DSCAM: variants seen among roughly 807,000 people sequenced by gnomAD.
The protein encoded by DSCAM is DS cell adhesion molecule.
A neutral mutation model predicts 217.7 loss-of-function variants in DSCAM; 47 were observed. The observed-to-expected ratio is 0.22, with a 90% CI of 0.17 to 0.28. The LOEUF (loss-of-function observed/expected upper bound fraction) is 0.28. Among genes scored for constraint, DSCAM ranks in the 10% least tolerant of loss-of-function variants. DSCAM has a pLI of 1.00. For missense variants in DSCAM, 2,080 were observed against 2,618.3 expected (o/e 0.79, Z 4.49); for synonymous variants, 1,056 against 1,015.3 (o/e 1.04, Z -0.76).
At chr21:40,255,634 A>C (rs1288368982) in intron 11 of DSCAM, among the ~76,000 whole-genome samples, 1 of 152,252 alleles carries the variant, frequency 6.6e-6, no homozygotes, top group East Asian at 1.9e-4. Context: ...GAGTCAGTCC[A>C]TGCCTTGTGG....
intron 3 of DSCAM, among the ~76,000 whole-genome samples, chr21:40,371,225 C>T (rs1439776092): frequency 2.6e-5 from 4 of 152,136 alleles, no homozygotes; most frequent in African/African-American, 7.2e-5. Flanking sequence ...GATAATTTTG[C>T]TTTATTATTC....
intron 3 of DSCAM, among the ~76,000 whole-genome samples, chr21:40,644,760 T>C (rs1163552833): frequency 1.3e-5 from 2 of 152,240 alleles, no homozygotes. Context: ...ACTTCGTTCA[T>C]TGCTTCATTC....
chr21:40,619,279 GAATAA>G (rs1568941255), intron 3 of DSCAM, among the ~76,000 whole-genome samples: 2 of 151,910 alleles, frequency 1.3e-5, no homozygotes, highest in African/African-American at 2.4e-5. Flanking sequence ...TCTAAAATAA[GAATAA>G]AATATACACA....
At chr21:40,243,425 G>T (rs1405453621) in intron 11 of DSCAM, among the ~76,000 whole-genome samples, 1 of 152,074 alleles carries the variant, frequency 6.6e-6, no homozygotes, top group Non-Finnish European at 1.5e-5. Context: ...GTGAAAAAAG[G>T]AAAGAAATGA....
At chr21:40,455,587 C>T (rs768563591) in intron 3 of DSCAM, among the ~76,000 whole-genome samples, 6 of 151,830 alleles carry the variant, frequency 4.0e-5, no homozygotes, top group African/African-American at 4.8e-5. Context: ...GCCAACATAG[C>T]GAAACCCCGT....
At chr21:40,266,635 T>TTATATATATATATATATATA (rs71186923) in intron 11 of DSCAM, among the ~76,000 whole-genome samples, 17 of 62,634 alleles carry the variant, frequency 2.7e-4, no homozygotes, top group African/African-American at 5.9e-4. Context: ...CAAAGATGTT[T>TTATATATATATATATATATA]TATATATATA....
At chr21:40,637,568 A>AAT (rs542709287) in intron 3 of DSCAM, among the ~76,000 whole-genome samples, 2 of 39,138 alleles carry the variant, frequency 5.1e-5, no homozygotes, top group African/African-American at 1.0e-4. Context: ...TACATATATA[A>AAT]ATATATATAA....
intron 16 of DSCAM, 113 bp downstream of exon 16, chr21:40,167,104 GA>G: frequency 2.2e-6 from 2 of 926,252 alleles, no homozygotes; most frequent in Non-Finnish European, 1.6e-6. Context: ...ACTTAATTTT[GA>G]AAAAATAAAA....
chr21:40,101,075 C>T (rs1472264050), intron 20 of DSCAM, among the ~76,000 whole-genome samples: 1 of 152,310 alleles, frequency 6.6e-6, no homozygotes, highest in East Asian at 1.9e-4. Context: ...TGTCCCTGAA[C>T]CAGAATGCCA....
chr21:40,687,046 G>A (rs144583512), intron 3 of DSCAM, among the ~76,000 whole-genome samples: 2 of 152,212 alleles, frequency 1.3e-5, no homozygotes, highest in East Asian at 1.9e-4. Flanking sequence ...TGATGTGCAC[G>A]TTCTGAGCTG....
chr21:40,307,993 T>C (rs2123480519), intron 9 of DSCAM, among the ~76,000 whole-genome samples: 1 of 150,138 alleles, frequency 6.7e-6, no homozygotes, highest in Non-Finnish European at 1.5e-5. Flanking sequence ...AGATGACGAG[T>C]TGATGGGTGC....
intron 3 of DSCAM, among the ~76,000 whole-genome samples, chr21:40,378,778 A>G (rs1214188257): frequency 9.1e-4 from 135 of 148,056 alleles, no homozygotes; most frequent in Admixed American, 2.2e-3. Context: ...TATTTTTAGT[A>G]GAGACGGGGT....
chr21:40,672,616 A>G (rs1052574070), intron 3 of DSCAM, among the ~76,000 whole-genome samples: 3 of 152,236 alleles, frequency 2.0e-5, no homozygotes, highest in African/African-American at 7.2e-5. Context: ...AGTGGCTCAC[A>G]GGACATCCTC....
chr21:40,243,323 G>A (rs2073178619), intron 11 of DSCAM, among the ~76,000 whole-genome samples: 1 of 152,182 alleles, frequency 6.6e-6, no homozygotes, highest in Non-Finnish European at 1.5e-5. Flanking sequence ...GATGGATTGA[G>A]CATTTCCTTG....
At chr21:40,165,149 T>G (rs531881680) in intron 16 of DSCAM, among the ~76,000 whole-genome samples, 1 of 152,336 alleles carries the variant, frequency 6.6e-6, no homozygotes, top group Admixed American at 6.5e-5. Context: ...TGGGGCTCCC[T>G]CTTTGGGGCT....
intron 18 of DSCAM, among the ~76,000 whole-genome samples, chr21:40,139,149 A>G (rs138894252): frequency 6.8e-6 from 1 of 146,766 alleles, no homozygotes; most frequent in Non-Finnish European, 1.5e-5. Context: ...GGTGTGGTAC[A>G]TGGTGTATGT....
At chr21:40,751,713 T>G (rs184295293) in intron 1 of DSCAM, among the ~76,000 whole-genome samples, 1 of 152,138 alleles carries the variant, frequency 6.6e-6, no homozygotes, top group Admixed American at 6.5e-5. Context: ...GGGGACGTGA[T>G]TGGAGAGGAG....
rs56109709 is a variant in DSCAM at position 40,467,682 on chromosome 21, G to A, written c.509-98437C>T. Reference sequence around the variant, plus strand: ...ATATGGAATATTGTAAAATGTACACGAATTTATAGTAAGCAGTAACTTATC... The same window carrying A: ...ATATGGAATATTGTAAAATGTACACAAATTTATAGTAAGCAGTAACTTATC... On this transcript the variant is annotated intron_variant, in intron 3 of 32. Transcript: ENST00000400454. 1.9e-3 allele frequency among the ~76,000 whole-genome samples: 296 copies of A among 152,090 alleles called. 2 individuals are homozygous for A. The highest frequency in any genetic ancestry group is 6.4e-3 in the African/African-American group (265 of 41,504).
Position 40,374,058 on chromosome 21 carries a change from T to TATCTCAA in DSCAM, c.509-4814_509-4813insTTGAGAT, listed in dbSNP as rs3069906. Among the ~76,000 whole-genome samples, 14 of 151,804 alleles carry TATCTCAA rather than the reference T, an allele frequency of 9.2e-5. No homozygotes were observed. The South Asian group carries it at 2.5e-3, about 27-fold the overall frequency. On this transcript the variant is annotated intron_variant, in intron 3 of 32. Transcript: ENST00000400454. ...AATAGCTCAGAGAGTAAATTTCAAATCACAAAAAAAGGGATAAGTGAGGTG... is the reference window on the plus strand; with the variant it reads ...AATAGCTCAGAGAGTAAATTTCAAATATCTCAACACAAAAAAAGGGATAAGTGAGGTG...
Sources: allele counts gnomAD v4.1 joint callset (sites outside exome capture counted in the v4.1 genomes callset), GRCh38; gene constraint gnomAD v4.1.1; transcripts MANE v1.5; gene names NCBI Gene and HGNC (gene_info 2026-07-23, HGNC 2026-07-21).